Variants in SNX18 observed in about 807,000 individuals in gnomAD.
SNX18 encodes sorting nexin 18, also known as sorting nexin-18.
In SNX18, 35 loss-of-function variants were observed where a neutral mutation model predicts 48.7. The ratio of observed to expected loss-of-function variants is 0.72; its 90% CI spans 0.55 to 0.95. The LOEUF (loss-of-function observed/expected upper bound fraction) is 0.95, where lower values mean the gene tolerates loss of function less well. Among genes scored for constraint, SNX18 ranks in the 40% least tolerant of loss-of-function variants. The pLI is 0.00. For missense variants in SNX18, 824 were observed against 871.0 expected, an observed-to-expected ratio of 0.95 and a Z score of 0.68; for synonymous variants, 492 against 384.7, an observed-to-expected ratio of 1.28 and a Z score of -3.26.
At chr5:54,573,777 T>A in the SNX18 span, among the ~76,000 whole-genome samples, 1 of 152,138 alleles carries the variant, frequency 6.6e-6, no homozygotes, top group Non-Finnish European at 1.5e-5. Flanking sequence ...TGAGCAAGAC[T>A]AGACACAGGA....
At chr5:54,523,030 TA>T (rs1762062284) in intron 1 of SNX18, among the ~76,000 whole-genome samples, 14 of 152,182 alleles carry the variant, frequency 9.2e-5, no homozygotes, top group African/African-American at 2.9e-4. Context: ...ATTCAGAATC[TA>T]TTGGAATTTT....
At chr5:54,523,795 G>C (rs1044214889) in intron 1 of SNX18, among the ~76,000 whole-genome samples, 3 of 152,154 alleles carry the variant, frequency 2.0e-5, no homozygotes, top group Non-Finnish European at 2.9e-5. Flanking sequence ...GAGTTGGCCT[G>C]ATGTCCTTCA....
chr5:54,581,433 G>C, the SNX18 span, among the ~76,000 whole-genome samples: 1 of 151,940 alleles, frequency 6.6e-6, no homozygotes, highest in African/African-American at 2.4e-5. Flanking sequence ...GCAGAAATGA[G>C]GGTTTTTAAA....
the SNX18 span, among the ~76,000 whole-genome samples, chr5:54,595,256 G>A: frequency 6.6e-6 from 1 of 152,066 alleles, no homozygotes; most frequent in Non-Finnish European, 1.5e-5. Context: ...TATTTTTTGA[G>A]ATGGAGTCTC....
intron 1 of SNX18, among the ~76,000 whole-genome samples, chr5:54,529,173 A>G (rs1022139107): frequency 2.6e-5 from 4 of 152,150 alleles, no homozygotes; most frequent in Non-Finnish European, 5.9e-5. Flanking sequence ...ATAACATCTT[A>G]TTGGGGGCAG....
chr5:54,549,572 C>T (rs753929727), downstream of SNX18, among the ~76,000 whole-genome samples: 10 of 152,158 alleles, frequency 6.6e-5, no homozygotes, highest in Non-Finnish European at 1.3e-4. Context: ...CAAAGGAGCC[C>T]TTGGTCTCCA....
the SNX18 span, among the ~76,000 whole-genome samples, chr5:54,593,291 T>C: frequency 2.0e-5 from 3 of 152,168 alleles, no homozygotes; most frequent in Non-Finnish European, 4.4e-5. Flanking sequence ...CTTCAGAACC[T>C]AATGGGGCTC....
At chr5:54,612,225 C>A in the SNX18 span, among the ~76,000 whole-genome samples, 3 of 151,414 alleles carry the variant, frequency 2.0e-5, no homozygotes, top group African/African-American at 7.3e-5. Context: ...AGAGTAGATT[C>A]TTTCCAATTT....
At chr5:54,594,148 T>TAAG in the SNX18 span, among the ~76,000 whole-genome samples, 9 of 152,310 alleles carry the variant, frequency 5.9e-5, no homozygotes, top group South Asian at 1.9e-3. Context: ...AGCACAATAC[T>TAAG]AAGTGAAAGA....
At chr5:54,522,891 C>T (rs1296454192) in intron 1 of SNX18, among the ~76,000 whole-genome samples, 1 of 152,184 alleles carries the variant, frequency 6.6e-6, no homozygotes, top group East Asian at 1.9e-4. Flanking sequence ...GATATACTTC[C>T]TTCAGCCAAA....
At chr5:54,525,132 T>TA (rs1308570293) in intron 1 of SNX18, among the ~76,000 whole-genome samples, 1 of 152,236 alleles carries the variant, frequency 6.6e-6, no homozygotes, top group African/African-American at 2.4e-5. Context: ...AACGCTCACT[T>TA]ATCTTTGGCC....
chr5:54,568,545 C>G, the SNX18 span, among the ~76,000 whole-genome samples: 1 of 152,164 alleles, frequency 6.6e-6, no homozygotes, highest in Non-Finnish European at 1.5e-5. Context: ...CCCCCATTTC[C>G]AAAGGAAGGG....
the SNX18 span, among the ~76,000 whole-genome samples, chr5:54,633,053 G>A: frequency 2.0e-5 from 3 of 152,124 alleles, no homozygotes; most frequent in African/African-American, 7.2e-5. Context: ...GATTACAGGT[G>A]AGCCACTGCG....
chr5:54,518,894 G>C lies in SNX18; in HGVS notation c.942G>C (p.Lys314Asn). The C allele has an allele frequency of 6.2e-7, 1 of 1,613,986 alleles. No homozygotes were observed. Among genetic ancestry groups the C allele is most frequent in the Non-Finnish European group, 8.5e-7 (1 of 1,179,994 alleles). Residue 314 changes from lysine to asparagine, a missense_variant, in exon 1 of 2, where the codon AAG becomes AAC. Around this residue, in one of 3 missense-constraint regions of SNX18, gnomAD observed 443 missense variants for 503.6 expected, o/e 0.88. Transcript: ENST00000381410. The part of the protein sequence containing the change: ...HTQVPVHRRY[K>N]HFDWLYARLA... ...AGGTGCCGGTGCATCGGCGCTACAA[G>C]CACTTCGACTGGCTGTACGCGCGCC...
intron 1 of SNX18, among the ~76,000 whole-genome samples, chr5:54,536,385 C>G (rs1366786660): frequency 1.3e-5 from 2 of 149,636 alleles, no homozygotes; most frequent in East Asian, 4.0e-4. Context: ...CCCCCCTCCC[C>G]CAACCCCACG....
the SNX18 span, among the ~76,000 whole-genome samples, chr5:54,605,838 T>A: frequency 6.6e-6 from 1 of 152,042 alleles, no homozygotes; most frequent in South Asian, 2.1e-4. Context: ...TCTAAAAACT[T>A]TTTTTTGTAG....
the SNX18 span, among the ~76,000 whole-genome samples, chr5:54,630,691 G>A: frequency 4.1e-3 from 628 of 152,132 alleles, 2 homozygotes; most frequent in Non-Finnish European, 6.4e-3. Flanking sequence ...AAAATTAGCC[G>A]GGCATGGTGG....
chr5:54,576,264 G>A, the SNX18 span, among the ~76,000 whole-genome samples: 12 of 152,158 alleles, frequency 7.9e-5, no homozygotes, highest in Admixed American at 7.9e-4. Flanking sequence ...CGGAATCCAT[G>A]AGCATAATAA....
the SNX18 span, among the ~76,000 whole-genome samples, chr5:54,562,164 G>A: frequency 7.9e-5 from 12 of 152,226 alleles, no homozygotes; most frequent in South Asian, 2.3e-3. Context: ...CTTTGCGGGC[G>A]GGCACAAAAT....
Sources: gnomAD v4.1 joint callset for allele counts (sites outside exome capture counted in the v4.1 genomes callset) on GRCh38, gnomAD v4.1.1 for gene constraint, gnomAD v4.1.1 regional missense constraint, MANE v1.5 for transcripts, NCBI Gene and HGNC (gene_info 2026-07-23, HGNC 2026-07-21) for gene names.